Variants in ZHX3 observed in about 807,000 individuals in gnomAD.
The protein encoded by ZHX3 is zinc fingers and homeoboxes 3.
Under a neutral mutation model 64.5 loss-of-function variants are expected in ZHX3, and 20 were observed. That is an observed-to-expected ratio of 0.31 (90% CI 0.22 to 0.45). The LOEUF (loss-of-function observed/expected upper bound fraction) is 0.45, where lower values mean the gene tolerates loss of function less well. Ranked by LOEUF, ZHX3 falls within the 20% of genes least tolerant of loss-of-function variation. The pLI, the probability that ZHX3 is intolerant of heterozygous loss-of-function variation, is 1.00. For synonymous variants in ZHX3, 423 were observed against 461.6 expected, an observed-to-expected ratio of 0.92 and a Z score of 1.07; for missense variants, 1,041 against 1,195.8, an observed-to-expected ratio of 0.87 and a Z score of 1.91.
intron 2 of ZHX3, among the ~76,000 whole-genome samples, chr20:41,251,317 G>A (rs2041983019): frequency 6.6e-6 from 1 of 151,998 alleles, no homozygotes; most frequent in Non-Finnish European, 1.5e-5. Flanking sequence ...AAGGTAAAGG[G>A]ACCTGAATGG....
intron 1 of ZHX3, chr20:41,272,217 T>C (rs1343489308): frequency 6.6e-6 from 1 of 152,218 alleles, no homozygotes; most frequent in Non-Finnish European, 1.5e-5. Flanking sequence ...CTTGGGATCA[T>C]CTGTTTTCAT....
chr20:41,313,772 A>AT (rs1253638926), intron 1 of ZHX3, among the ~76,000 whole-genome samples: 21 of 152,126 alleles, frequency 1.4e-4, no homozygotes, highest in African/African-American at 5.1e-4. Flanking sequence ...TAATTTTTGT[A>AT]TTTTTAGTAG....
chr20:41,290,353 T>C (rs996313800), intron 1 of ZHX3: 2 of 152,250 alleles, frequency 1.3e-5, no homozygotes, highest in African/African-American at 4.8e-5. Flanking sequence ...ACTACTGATC[T>C]GCATGAGAGT....
chr20:41,214,549 A>C (rs1164791232), intron 2 of ZHX3, among the ~76,000 whole-genome samples: 1 of 152,228 alleles, frequency 6.6e-6, no homozygotes. Flanking sequence ...ATTTATTAAG[A>C]AAAAGTTCAA....
chr20:41,306,457 T>C (rs2146825850), intron 1 of ZHX3, among the ~76,000 whole-genome samples: 1 of 152,340 alleles, frequency 6.6e-6, no homozygotes, highest in South Asian at 2.1e-4. Context: ...ACCAGGCCTT[T>C]CTTCCCCAAA....
intron 1 of ZHX3, among the ~76,000 whole-genome samples, chr20:41,295,422 T>A (rs1307964624): frequency 6.6e-6 from 1 of 152,192 alleles, no homozygotes; most frequent in Non-Finnish European, 1.5e-5. Flanking sequence ...TACAAACTTG[T>A]ATAATTCTAG....
intron 1 of ZHX3, among the ~76,000 whole-genome samples, chr20:41,311,050 C>T (rs186034846): frequency 1.7e-3 from 263 of 152,120 alleles, no homozygotes; most frequent in African/African-American, 6.0e-3. Context: ...CCTCGTGATC[C>T]GCCCGCCTAG....
intron 1 of ZHX3, among the ~76,000 whole-genome samples, chr20:41,298,727 A>G (rs537404894): frequency 6.6e-6 from 1 of 152,350 alleles, no homozygotes; most frequent in South Asian, 2.1e-4. Context: ...AGGATAATTC[A>G]TTAGGATCAC....
chr20:41,181,785 G>A lies in ZHX3; in HGVS notation c.*3406C>T, dbSNP rs2146087361. 1 of 152,388 alleles carries A rather than the reference G, an allele frequency of 6.6e-6. No homozygotes were observed. The highest frequency in any genetic ancestry group is 6.5e-5 in the Admixed American group (1 of 15,306). The allele number at this position is 152,388 out of a possible 1,614,324, so 9.4% of individuals were successfully genotyped here. On this transcript the variant is annotated 3_prime_UTR_variant, in exon 4 of 4. Transcript: ENST00000683867. Reference sequence around the variant, plus strand: ...CGGCCTCCCAAGGCTAGCTGGAGATGAGACCACTAGTACATGTGTGAGCCC... The same window carrying A: ...CGGCCTCCCAAGGCTAGCTGGAGATAAGACCACTAGTACATGTGTGAGCCC...
chr20:41,190,427 T>C (rs2036916886), intron 3 of ZHX3, among the ~76,000 whole-genome samples: 1 of 152,184 alleles, frequency 6.6e-6, no homozygotes, highest in African/African-American at 2.4e-5. Context: ...CACCTTGACC[T>C]CCCAAAGTGC....
chr20:41,231,070 C>T (rs1362597181), intron 2 of ZHX3, among the ~76,000 whole-genome samples: 26 of 152,184 alleles, frequency 1.7e-4, no homozygotes, highest in Non-Finnish European at 8.8e-5. Context: ...CATTTACTGT[C>T]TCTATAGTTT....
rs1331173027 is a variant in ZHX3, at chr20:41,184,332, G to C, written c.*859C>G. On this transcript the variant is annotated 3_prime_UTR_variant, in exon 4 of 4. Transcript: ENST00000683867. ...CTTTCTCTCACTCCAAACATGTCTA[G>C]ATTAAAAAAAAAATGCAGGCACATA... The C allele has an allele frequency of 6.6e-6, 1 of 151,090 alleles. No individual in the cohort carries two copies. The highest frequency in any genetic ancestry group is 1.9e-4 in the East Asian group (1 of 5,182). The allele number at this position is 151,090 out of a possible 1,614,324, so 9.4% of individuals were successfully genotyped here.
intron 2 of ZHX3, among the ~76,000 whole-genome samples, chr20:41,235,615 C>T (rs150649533): frequency 0.012 from 1,802 of 152,254 alleles, 23 homozygotes; most frequent in African/African-American, 0.032. Context: ...ATTGATGGGA[C>T]GTATCTCAAA....
intron 1 of ZHX3, among the ~76,000 whole-genome samples, chr20:41,309,029 T>G (rs1324794900): frequency 6.6e-6 from 1 of 152,202 alleles, no homozygotes; most frequent in East Asian, 1.9e-4. Flanking sequence ...TTATAATCAG[T>G]TGATGTATTC....
chr20:41,202,964 C>T lies in ZHX3; in HGVS notation c.1953G>A (p.Met651Ile), dbSNP rs760172894. Residue 651 changes from methionine (M) to isoleucine (I), a missense_variant, in exon 3 of 4, where the codon ATG (methionine) becomes ATA (isoleucine). Met to Ile is a conservative substitution (Grantham distance 10). Transcript: ENST00000683867. This position sits in a 1 kb window ranked among gnomAD's most constrained non-coding sequence, Gnocchi z 7.0. Reference sequence around the variant, plus strand: ...ACCAGCTATCAATTTCTCGTCGGGTCATTTTGGTTTCACTTCTCAGGCGGT... The same window carrying T: ...ACCAGCTATCAATTTCTCGTCGGGTTATTTTGGTTTCACTTCTCAGGCGGT... The part of the protein sequence containing the change: ...ELDRLRSETK[M>I]TRREIDSWFS... The T allele has an allele frequency of 6.2e-7, 1 of 1,614,098 alleles. No individual in the cohort carries two copies. The highest frequency in any genetic ancestry group is 1.1e-5 in the South Asian group (1 of 91,054).
chr20:41,194,437 GTA>G (rs2037313627), intron 3 of ZHX3, among the ~76,000 whole-genome samples: 1 of 152,178 alleles, frequency 6.6e-6, no homozygotes, highest in Non-Finnish European at 1.5e-5. Context: ...TGCTCATGAG[GTA>G]TAATCCTTTT....
chr20:41,264,476 T>C (rs531946232), intron 2 of ZHX3, among the ~76,000 whole-genome samples: 16 of 149,292 alleles, frequency 1.1e-4, no homozygotes, highest in African/African-American at 4.0e-4. Flanking sequence ...GGAGAATCAC[T>C]TGAACCCAGG....
chr20:41,201,259 A>G lies in ZHX3; in HGVS notation c.2860+798T>C. On this transcript the variant is annotated intron_variant, in intron 3 of 3. Coordinates refer to ENST00000683867, the MANE Select transcript of ZHX3 (RefSeq NM_001384317.1). This position sits in a 1 kb window ranked among gnomAD's most constrained non-coding sequence, Gnocchi z 5.0. ...GGAACCCCCAATCCCTTCAGCTTCT[A>G]CAATACTCCGCCCTCCTGGCTCTCA... 7.8e-7 allele frequency: 1 copy of G among 1,282,720 alleles called. No individual in the cohort carries two copies. Among genetic ancestry groups the G allele is most frequent in the East Asian group, 5.6e-5 (1 of 17,916 alleles). 79.5% of individuals were successfully genotyped at this position (1,282,720 alleles called of 1,614,324 possible).
chr20:41,310,744 T>C (rs954047311), intron 1 of ZHX3, among the ~76,000 whole-genome samples: 2 of 149,106 alleles, frequency 1.3e-5, no homozygotes, highest in South Asian at 2.1e-4. Flanking sequence ...AATCCAAACA[T>C]ACGTTGTCAT....
Sources: gnomAD v4.1 joint callset for allele counts (sites outside exome capture counted in the v4.1 genomes callset) on GRCh38, gnomAD v4.1.1 for gene constraint, Gnocchi (gnomAD v3.1) non-coding constraint, MANE v1.5 for transcripts, NCBI Gene and HGNC (gene_info 2026-07-23, HGNC 2026-07-21) for gene names.